SLC12A6: variants seen among roughly 807,000 people sequenced by gnomAD.
The protein encoded by SLC12A6 is K-Cl cotransporter 3.
A neutral mutation model predicts 135.3 loss-of-function variants in SLC12A6; 66 were observed. The ratio of observed to expected loss-of-function variants is 0.49; its 90% CI spans 0.40 to 0.60. The LOEUF (loss-of-function observed/expected upper bound fraction) is 0.60. Ranked by LOEUF, SLC12A6 falls within the 20% of genes least tolerant of loss-of-function variation. SLC12A6 has a pLI of 0.00. For synonymous variants in SLC12A6, 513 were observed against 508.8 expected, an observed-to-expected ratio of 1.01 and a Z score of -0.11; for missense variants, 1,058 against 1,452.3, an observed-to-expected ratio of 0.73 and a Z score of 4.41.
chr15:34,319,431 C>T lies in SLC12A6; in HGVS notation c.271+16979G>A, dbSNP rs147396345. 8.9e-3 allele frequency among the ~76,000 whole-genome samples: 1,352 copies of T among 152,188 alleles called. 12 individuals carry two copies. Among genetic ancestry groups the T allele is most frequent in the Middle Eastern group, 0.02 (6 of 294 alleles). ...TGCTGGGATTAACAGGCGTGAGCCA[C>T]CGTGCCCAGCCGGGAATGGTTCATT... On this transcript the variant is annotated intron_variant, in intron 2 of 25. Transcript: ENST00000354181.
At chr15:34,325,091 G>A (rs749599318) in intron 2 of SLC12A6, among the ~76,000 whole-genome samples, 10 of 152,072 alleles carry the variant, frequency 6.6e-5, no homozygotes, top group Non-Finnish European at 1.5e-4. Flanking sequence ...GCACTGTCTC[G>A]TACTACACTC....
At chr15:34,284,284 T>C (rs185233778) in intron 2 of SLC12A6, among the ~76,000 whole-genome samples, 18,132 of 138,446 alleles carry the variant, frequency 0.13, 1,525 homozygotes, top group Non-Finnish European at 0.19. Flanking sequence ...TTTCTTTTTT[T>C]TTTTTTTTTT....
In SLC12A6 at chr15:34,229,930, A is replaced by C. The variant is rs778116209; in HGVS notation, c.*3951T>G. 2.2e-5 allele frequency: 17 copies of C among 779,724 alleles called. No homozygotes were observed. The Admixed American group carries it at 3.6e-4, about 16-fold the overall frequency. 48.3% of individuals were successfully genotyped at this position (779,724 alleles called of 1,614,324 possible). ...AGACTCTTTTCTCCATGGTGGGGTG[A>C]CAGGTCCTAGAAGGACAATGTGCAT... On this transcript the variant is annotated 3_prime_UTR_variant, in exon 26 of 26. Coordinates refer to ENST00000354181, the MANE Select transcript of SLC12A6 (RefSeq NM_001365088.1).
chr15:34,289,846 T>C lies in SLC12A6; in HGVS notation c.272-14457A>G, dbSNP rs112721755. Among the ~76,000 whole-genome samples the C allele has an allele frequency of 2.3e-3, 349 of 152,328 alleles. 3 individuals are homozygous for C. The highest frequency in any genetic ancestry group is 7.9e-3 in the African/African-American group (330 of 41,580). ...TGATATCCCCTTTATCATTTTTTAT[T>C]ATGCCTATCTGATTCTTCTCTCTTT... On this transcript the variant is annotated intron_variant, in intron 2 of 25. Coordinates refer to ENST00000354181, the MANE Select transcript of SLC12A6 (RefSeq NM_001365088.1).
intron 2 of SLC12A6, among the ~76,000 whole-genome samples, chr15:34,294,785 G>A (rs1895769791): frequency 6.6e-6 from 1 of 151,968 alleles, no homozygotes; most frequent in Non-Finnish European, 1.5e-5. Flanking sequence ...CTAACTTGTG[G>A]CCTCAAGAGA....
intron 2 of SLC12A6, among the ~76,000 whole-genome samples, chr15:34,286,097 A>T (rs1275721376): frequency 6.6e-6 from 1 of 151,960 alleles, no homozygotes; most frequent in African/African-American, 2.4e-5. Flanking sequence ...TTCTTTTTAA[A>T]CAGTCTTGCT....
intron 2 of SLC12A6, among the ~76,000 whole-genome samples, chr15:34,315,844 T>G (rs1011686737): frequency 1.3e-5 from 2 of 151,680 alleles, no homozygotes; most frequent in Non-Finnish European, 2.9e-5. Flanking sequence ...CCAGGTGTGG[T>G]GGCATGTGCC....
rs1330806057 is a variant in SLC12A6 at position 34,277,206 on chromosome 15, G to A, written c.272-1817C>T. The stretch of plus-strand genomic sequence containing the variant: ...TCCCAGTATTTTGGTGAGCTGAGGC[G>A]GGAGGATCACGAGGCCAGGAGTTTG... On this transcript the variant is annotated intron_variant, in intron 2 of 25. Coordinates refer to ENST00000354181, the MANE Select transcript of SLC12A6 (RefSeq NM_001365088.1). Among the ~76,000 whole-genome samples, 10 of 152,254 alleles carry A rather than the reference G, an allele frequency of 6.6e-5. No individual in the cohort carries two copies. In the East Asian group the frequency reaches 1.5e-3, roughly 24 times the overall value.
chr15:34,244,085 G>A lies in SLC12A6; in HGVS notation c.1944-13C>T. On this transcript the variant is annotated splice_polypyrimidine_tract_variant and intron_variant, in intron 15 of 25. Transcript: ENST00000354181. ...CATGAGAAAAAACCTGAAGAATAAA[G>A]AGTAAGAGGAATGATTATTACTGGA... 1 of 1,357,870 alleles carries A rather than the reference G, an allele frequency of 7.4e-7. No homozygotes were observed. Among genetic ancestry groups the A allele is most frequent in the Non-Finnish European group, 1.1e-6 (1 of 946,018 alleles). 84.1% of individuals were successfully genotyped at this position (1,357,870 alleles called of 1,614,324 possible).
intron 3 of SLC12A6, among the ~76,000 whole-genome samples, chr15:34,264,405 G>A (rs1174209831): frequency 1.3e-5 from 2 of 152,078 alleles, no homozygotes; most frequent in African/African-American, 4.8e-5. Context: ...ATCAGTTCAA[G>A]GAAAACACAA....
intron 13 of SLC12A6, among the ~76,000 whole-genome samples, chr15:34,249,530 G>A (rs992195608): frequency 2.0e-5 from 3 of 152,270 alleles, no homozygotes; most frequent in African/African-American, 7.2e-5. Context: ...CTGCACCACT[G>A]CACTGTAGTC....
chr15:34,265,416 C>CAAAAAAAAAAAAAAAAAA (rs1035614224), intron 3 of SLC12A6, among the ~76,000 whole-genome samples: 1 of 103,664 alleles, frequency 9.6e-6, no homozygotes, highest in African/African-American at 4.2e-5. Context: ...AAAAAAAAAA[C>CAAAAAAAAAAAAAAAAAA]AAACAAAAAA....
At chr15:34,240,490 T>C (rs1891567567) in intron 19 of SLC12A6, among the ~76,000 whole-genome samples, 171 bp downstream of exon 19, 1 of 152,198 alleles carries the variant, frequency 6.6e-6, no homozygotes, top group Non-Finnish European at 1.5e-5. Context: ...TAAATAACTA[T>C]TTTTGGCTCA....
rs121908427 is a variant in SLC12A6, at chr15:34,236,719, G to T, written c.3031C>A (p.Arg1011=). 2 of 1,578,634 alleles carry T rather than the reference G, an allele frequency of 1.3e-6. No homozygotes were observed. The highest frequency in any genetic ancestry group is 1.1e-5 in the South Asian group (1 of 90,312). The change falls in exon 23 of 26, where the codon CGA becomes AGA. Residue 1011 remains arginine, a synonymous_variant. Transcript: ENST00000354181. ...CAGTAATGTCTCACCTCTCTGTCTCGCTCTGTTTTGGATAGCCGCATGTGC... is the reference window on the plus strand; with the variant it reads ...CAGTAATGTCTCACCTCTCTGTCTCTCTCTGTTTTGGATAGCCGCATGTGC... ...LRHMRLSKTE[R]DREAQLVKDR... is the part of the protein sequence containing the mutation.
At chr15:34,239,260 C>A in intron 19 of SLC12A6, 100 bp from the exon 20 acceptor site, 1 of 867,774 alleles carries the variant, frequency 1.2e-6, no homozygotes, top group Non-Finnish European at 1.9e-6. Context: ...TTTCCAAAGT[C>A]TTCATAATAC....
intron 3 of SLC12A6, 61 bp downstream of exon 3, chr15:34,275,284 G>A (rs907231350): frequency 3.5e-6 from 3 of 852,768 alleles, no homozygotes; most frequent in African/African-American, 3.3e-5. Flanking sequence ...AGTAATGTCT[G>A]TTAGGATAAA....
At chr15:34,326,364 C>CA (rs1253863666) in intron 2 of SLC12A6, among the ~76,000 whole-genome samples, 31 of 151,604 alleles carry the variant, frequency 2.0e-4, no homozygotes, top group Middle Eastern at 3.4e-3. Flanking sequence ...CTAGTCAACA[C>CA]AAAAAAAGTG....
Position 34,254,454 on chromosome 15 carries a change from G to A in SLC12A6, c.1012C>T (p.Arg338Cys), listed in dbSNP as rs77122016. Residue 338 changes from arginine to cysteine, a missense_variant, in exon 9 of 26, where the codon CGC becomes TGC. Arg to Cys is a radical substitution (Grantham distance 180). This residue lies in a region of SLC12A6 where 297 missense variants were observed against 318.5 expected (regional missense o/e 0.93). Coordinates refer to ENST00000354181, the MANE Select transcript of SLC12A6 (RefSeq NM_001365088.1). Reference sequence around the variant, plus strand: ...AGTGAGGCAAACTTGTTCACATAGCGTACGCCGATAAATACCACTAATACC... The same window carrying A: ...AGTGAGGCAAACTTGTTCACATAGCATACGCCGATAAATACCACTAATACC... ...LMVLVVFIGV[R>C]YVNKFASLFL... 4.3e-4 allele frequency: 692 copies of A among 1,613,764 alleles called. 2 individuals carry two copies. The East Asian group carries it at 4.3e-3, about 10-fold the overall frequency.
At chr15:34,331,298 C>A (rs1260236133) in intron 2 of SLC12A6, among the ~76,000 whole-genome samples, 2 of 152,164 alleles carry the variant, frequency 1.3e-5, no homozygotes, top group Non-Finnish European at 2.9e-5. Flanking sequence ...CACCGCAACA[C>A]CTGGCTAAGT....
Sources: gnomAD v4.1 joint callset for allele counts (sites outside exome capture counted in the v4.1 genomes callset) on GRCh38, gnomAD v4.1.1 for gene constraint, gnomAD v4.1.1 regional missense constraint, MANE v1.5 for transcripts, NCBI Gene and HGNC (gene_info 2026-07-23, HGNC 2026-07-21) for gene names.